Variants in MEF2A observed in about 807,000 individuals in gnomAD.
MEF2A encodes the protein myocyte enhancer factor 2A.
A neutral mutation model predicts 55.8 loss-of-function variants in MEF2A; 28 were observed. That is an observed-to-expected ratio of 0.50 (90% CI 0.37 to 0.69). The LOEUF (loss-of-function observed/expected upper bound fraction) is 0.69. Among genes scored for constraint, MEF2A ranks in the 30% least tolerant of loss-of-function variants. The pLI, the probability that MEF2A is intolerant of heterozygous loss-of-function variation, is 0.00. For missense variants in MEF2A, 528 were observed against 626.2 expected (o/e 0.84, Z 1.67); for synonymous variants, 239 against 227.1 (o/e 1.05, Z -0.47).
At chr15:99,663,924 G>A (rs2049112515) in intron 4 of MEF2A, among the ~76,000 whole-genome samples, 1 of 152,160 alleles carries the variant, frequency 6.6e-6, no homozygotes, top group Non-Finnish European at 1.5e-5. Flanking sequence ...GGTCAGCCAA[G>A]TGGTAACATA....
intron 1 of MEF2A, among the ~76,000 whole-genome samples, chr15:99,596,627 G>A (rs1971267360): frequency 6.6e-6 from 1 of 152,160 alleles, no homozygotes; most frequent in South Asian, 2.1e-4. Flanking sequence ...TTGATGAAAT[G>A]GATTTACTTG....
chr15:99,568,291 C>T (rs1030425864), intron 1 of MEF2A, among the ~76,000 whole-genome samples: 2 of 151,926 alleles, frequency 1.3e-5, no homozygotes, highest in African/African-American at 4.8e-5. Context: ...CTTCTGTATT[C>T]TTAGAGTTTG....
chr15:99,572,580 G>A (rs906114725), intron 1 of MEF2A, among the ~76,000 whole-genome samples: 1 of 152,178 alleles, frequency 6.6e-6, no homozygotes, highest in African/African-American at 2.4e-5. Context: ...TTAGCATGCC[G>A]CCTGGCATTT....
At chr15:99,667,604 G>GA (rs2050054376) in intron 4 of MEF2A, among the ~76,000 whole-genome samples, 1 of 151,992 alleles carries the variant, frequency 6.6e-6, no homozygotes, top group African/African-American at 2.4e-5. Context: ...GAGGGAGCCT[G>GA]AAAAAAATGT....
chr15:99,586,493 A>G (rs1443329925), intron 1 of MEF2A, among the ~76,000 whole-genome samples: 1 of 152,114 alleles, frequency 6.6e-6, no homozygotes, highest in African/African-American at 2.4e-5. Flanking sequence ...TTTAATGTTC[A>G]CATCTTTTGC....
At chr15:99,579,479 C>G (rs993624477) in intron 1 of MEF2A, among the ~76,000 whole-genome samples, 1 of 152,146 alleles carries the variant, frequency 6.6e-6, no homozygotes, top group Non-Finnish European at 1.5e-5. Flanking sequence ...AGTGCAACCT[C>G]TGCCTCCCAG....
In MEF2A at chr15:99,622,905, C is replaced by T. The variant is rs10220854; in HGVS notation, c.-142-10073C>T. The stretch of plus-strand genomic sequence containing the variant: ...ATTTTTAGTAGAGACGGGGTTTCAC[C>T]GTGTTAGGATGGTCTCGATCTCCTG... On this transcript the variant is annotated intron_variant, in intron 2 of 11. Transcript: ENST00000557942. Among the ~76,000 whole-genome samples, 1,300 of 151,830 alleles carry T rather than the reference C, an allele frequency of 8.6e-3. 24 individuals are homozygous for T. Among genetic ancestry groups the T allele is most frequent in the African/African-American group, 0.029 (1,219 of 41,418 alleles).
chr15:99,608,582 A>G (rs985251707), intron 2 of MEF2A, among the ~76,000 whole-genome samples: 5 of 152,196 alleles, frequency 3.3e-5, no homozygotes, highest in African/African-American at 1.2e-4. Context: ...TACCTAAAAC[A>G]TAAGAAGTAA....
At chr15:99,596,997 G>A (rs1200283653) in intron 1 of MEF2A, among the ~76,000 whole-genome samples, 2 of 152,106 alleles carry the variant, frequency 1.3e-5, no homozygotes, top group East Asian at 3.8e-4. Flanking sequence ...CAGCTGAGGA[G>A]GATTATATCA....
At chr15:99,589,720 T>G (rs1030013760) in intron 1 of MEF2A, among the ~76,000 whole-genome samples, 1 of 152,160 alleles carries the variant, frequency 6.6e-6, no homozygotes, top group African/African-American at 2.4e-5. Context: ...TTTTAAAATT[T>G]TAAATGATTT....
intron 3 of MEF2A, among the ~76,000 whole-genome samples, chr15:99,638,640 G>T (rs1461496353): frequency 6.6e-6 from 1 of 151,728 alleles, no homozygotes; most frequent in Non-Finnish European, 1.5e-5. Flanking sequence ...AGAATTTTTT[G>T]ATTTTTCATT....
intron 8 of MEF2A, among the ~76,000 whole-genome samples, chr15:99,691,737 AT>A (rs2055512588): frequency 6.6e-6 from 1 of 151,376 alleles, no homozygotes; most frequent in African/African-American, 2.4e-5. Flanking sequence ...CCACAGAACT[AT>A]TGTAGGATAG....
intron 4 of MEF2A, among the ~76,000 whole-genome samples, chr15:99,656,140 T>C (rs753840279): frequency 6.6e-6 from 1 of 152,070 alleles, no homozygotes; most frequent in Non-Finnish European, 1.5e-5. Flanking sequence ...TATTACAAAA[T>C]CTAGTAGGGA....
At chr15:99,636,522 T>G (rs925204661) in intron 3 of MEF2A, among the ~76,000 whole-genome samples, 3 of 152,128 alleles carry the variant, frequency 2.0e-5, no homozygotes, top group Non-Finnish European at 4.4e-5. Context: ...ATTCTTTTAT[T>G]TTTTTGTAGA....
chr15:99,625,919 C>T (rs541499069), intron 2 of MEF2A, among the ~76,000 whole-genome samples: 1 of 151,984 alleles, frequency 6.6e-6, no homozygotes, highest in East Asian at 1.9e-4. Context: ...GTATATTGGT[C>T]TATAGTTTTC....
chr15:99,657,057 A>G (rs898471667), intron 4 of MEF2A, among the ~76,000 whole-genome samples: 2 of 152,062 alleles, frequency 1.3e-5, no homozygotes, highest in African/African-American at 4.8e-5. Flanking sequence ...GAGTCATGCA[A>G]TATGTTCTTT....
intron 1 of MEF2A, among the ~76,000 whole-genome samples, chr15:99,587,709 A>G (rs560557046): frequency 6.6e-6 from 1 of 152,278 alleles, no homozygotes; most frequent in Non-Finnish European, 1.5e-5. Flanking sequence ...CTAATATAAC[A>G]TATTTTTACA....
chr15:99,661,856 T>C (rs1267892727), intron 4 of MEF2A, among the ~76,000 whole-genome samples: 1 of 152,134 alleles, frequency 6.6e-6, no homozygotes. Context: ...AGCATTTTTA[T>C]AGATTCAAAA....
intron 2 of MEF2A, among the ~76,000 whole-genome samples, chr15:99,623,949 A>G (rs1450139437): frequency 4.6e-5 from 7 of 152,024 alleles, no homozygotes; most frequent in Non-Finnish European, 1.0e-4. Flanking sequence ...CTGGGATTAC[A>G]GGCATGCACC....
Sources: allele counts gnomAD v4.1 joint callset (sites outside exome capture counted in the v4.1 genomes callset), GRCh38; gene constraint gnomAD v4.1.1; transcripts MANE v1.5; gene names NCBI Gene and HGNC (gene_info 2026-07-23, HGNC 2026-07-21).